Variants in ESRRG observed in about 807,000 individuals in gnomAD.
The protein encoded by ESRRG is estrogen related receptor gamma.
Under a neutral mutation model 44.0 loss-of-function variants are expected in ESRRG, and 13 were observed. The ratio of observed to expected loss-of-function variants is 0.30; its 90% CI spans 0.19 to 0.47. The LOEUF (loss-of-function observed/expected upper bound fraction) is 0.47, where lower values mean the gene tolerates loss of function less well. ESRRG is among the 20% of genes least tolerant of loss of function. The pLI is 1.00. For synonymous variants in ESRRG, 215 were observed against 214.6 expected (o/e 1.00, Z -0.02); for missense variants, 395 against 580.6 (o/e 0.68, Z 3.29).
chr1:216,599,684 GAAAA>G (rs534390321), intron 3 of ESRRG, among the ~76,000 whole-genome samples: 1 of 150,538 alleles, frequency 6.6e-6, no homozygotes. Context: ...AAAAGCCAAA[GAAAA>G]AAAAATTGAC....
rs188855522 is a variant in ESRRG at position 216,655,306 on chromosome 1, G to A, written c.473-4217C>T. ...AGAGTCCACTGAGAGGAGACAAGACGTGTAAATAAACAATACATTTTAGTG... is the reference window on the plus strand; with the variant it reads ...AGAGTCCACTGAGAGGAGACAAGACATGTAAATAAACAATACATTTTAGTG... On this transcript the variant is annotated intron_variant, in intron 2 of 6. Transcript: ENST00000408911. Among the ~76,000 whole-genome samples, 7 of 152,240 alleles carry A rather than the reference G, an allele frequency of 4.6e-5. No individual in the cohort carries two copies. The East Asian group carries it at 5.8e-4, about 13-fold the overall frequency.
chr1:217,118,126 A>C (rs1269212328), intron 1 of ESRRG, among the ~76,000 whole-genome samples: 1 of 152,236 alleles, frequency 6.6e-6, no homozygotes, highest in African/African-American at 2.4e-5. Context: ...CTATGCAATA[A>C]GTATACTACT....
chr1:216,721,092 C>T (rs2086166352), intron 1 of ESRRG, among the ~76,000 whole-genome samples: 1 of 152,194 alleles, frequency 6.6e-6, no homozygotes, highest in Non-Finnish European at 1.5e-5. Flanking sequence ...GCTATTACTG[C>T]TATTAAATGT....
intron 1 of ESRRG, among the ~76,000 whole-genome samples, chr1:216,976,387 A>C (rs2072903756): frequency 6.6e-6 from 1 of 151,830 alleles, no homozygotes; most frequent in Non-Finnish European, 1.5e-5. Context: ...AATAAAAATA[A>C]GTTGGAGAGA....
chr1:216,577,005 T>C (rs905904256), intron 3 of ESRRG, among the ~76,000 whole-genome samples: 12 of 151,764 alleles, frequency 7.9e-5, no homozygotes, highest in Non-Finnish European at 1.2e-4. Flanking sequence ...TTATTTCTGC[T>C]CAAGAGGAGG....
intron 5 of ESRRG, among the ~76,000 whole-genome samples, chr1:216,521,968 C>T (rs925959082): frequency 2.0e-5 from 3 of 152,012 alleles, no homozygotes; most frequent in Non-Finnish European, 2.9e-5. Flanking sequence ...TTTACGTGCA[C>T]GGAAACTTTA....
rs2148669133 is a variant in ESRRG at position 216,503,698 on chromosome 1, A to G, written c.*3241T>C. ...CCATTTTCTCTTCTATAAGAAAAAT[A>G]GCAGTTTTAAATTTTTTATATCTTT... On this transcript the variant is annotated 3_prime_UTR_variant, in exon 7 of 7. Coordinates refer to ENST00000408911, the MANE Select transcript of ESRRG (RefSeq NM_001438.4). 6.5e-6 allele frequency: 1 copy of G among 152,726 alleles called. No individual in the cohort carries two copies. Among genetic ancestry groups the G allele is most frequent in the Non-Finnish European group, 1.5e-5 (1 of 67,988 alleles). 9.5% of individuals were successfully genotyped at this position (152,726 alleles called of 1,614,324 possible). A position where few individuals can be genotyped will look rare whatever the true frequency, so the allele number is the denominator to read the frequency against.
chr1:216,737,983 G>A (rs2090177884), intron 2 of ESRRG, among the ~76,000 whole-genome samples: 1 of 144,420 alleles, frequency 6.9e-6, no homozygotes, highest in South Asian at 2.2e-4. Context: ...TAGTTCTGCA[G>A]ATGAGACATC....
At chr1:217,043,727 A>C (rs761045079) in intron 1 of ESRRG, among the ~76,000 whole-genome samples, 2 of 152,326 alleles carry the variant, frequency 1.3e-5, no homozygotes, top group East Asian at 3.9e-4. Flanking sequence ...ACTAAAAAAA[A>C]GTGTTAATGT....
intron 5 of ESRRG, among the ~76,000 whole-genome samples, chr1:216,551,799 G>T (rs754955069): frequency 6.6e-6 from 1 of 152,064 alleles, no homozygotes; most frequent in Admixed American, 6.6e-5. Context: ...ATTTATTATT[G>T]GGTGTGCCTT....
chr1:216,697,992 T>C (rs2080524205), intron 1 of ESRRG, among the ~76,000 whole-genome samples: 1 of 152,194 alleles, frequency 6.6e-6, no homozygotes, highest in Admixed American at 6.5e-5. Flanking sequence ...CAGTAGCTGC[T>C]GGCCACACCC....
At chr1:216,619,389 G>A (rs1454586575) in intron 3 of ESRRG, among the ~76,000 whole-genome samples, 1 of 152,108 alleles carries the variant, frequency 6.6e-6, no homozygotes, top group Non-Finnish European at 1.5e-5. Context: ...TTCTATTGTG[G>A]ATCACCAATT....
intron 5 of ESRRG, among the ~76,000 whole-genome samples, chr1:216,546,999 C>T (rs1316462519): frequency 6.6e-6 from 1 of 151,868 alleles, no homozygotes; most frequent in African/African-American, 2.4e-5. Flanking sequence ...GTTCCACTCC[C>T]TATGTCCATG....
At chr1:216,919,068 G>T (rs1432723782) in intron 2 of ESRRG, among the ~76,000 whole-genome samples, 1 of 151,974 alleles carries the variant, frequency 6.6e-6, no homozygotes, top group Non-Finnish European at 1.5e-5. Context: ...CAGTTTCAAA[G>T]AATGTAAACC....
At chr1:217,101,436 A>G (rs982913690) in intron 1 of ESRRG, among the ~76,000 whole-genome samples, 3 of 152,248 alleles carry the variant, frequency 2.0e-5, no homozygotes, top group Non-Finnish European at 1.5e-5. Flanking sequence ...TCCTTAAATC[A>G]TTAATTCTAG....
chr1:217,103,452 C>G (rs1395173182), intron 1 of ESRRG, among the ~76,000 whole-genome samples: 1 of 151,108 alleles, frequency 6.6e-6, no homozygotes, highest in Non-Finnish European at 1.5e-5. Flanking sequence ...TTGAGACCAG[C>G]CTGAGCAACA....
At chr1:217,028,441 A>G (rs1560523439) in intron 1 of ESRRG, among the ~76,000 whole-genome samples, 3 of 152,128 alleles carry the variant, frequency 2.0e-5, no homozygotes, top group Non-Finnish European at 2.9e-5. Flanking sequence ...GAGGACAGAC[A>G]TGTCAAGATA....
chr1:216,603,343 G>A (rs1215986422), intron 3 of ESRRG, among the ~76,000 whole-genome samples: 1 of 152,068 alleles, frequency 6.6e-6, no homozygotes, highest in Non-Finnish European at 1.5e-5. Flanking sequence ...TACAATCTGT[G>A]AACTGACCCT....
chr1:216,784,935 C>T (rs2094070563), intron 2 of ESRRG, among the ~76,000 whole-genome samples: 1 of 151,976 alleles, frequency 6.6e-6, no homozygotes. Context: ...CAATTCTCCA[C>T]TAGGTCTACC....
Sources: allele counts gnomAD v4.1 joint callset (sites outside exome capture counted in the v4.1 genomes callset), GRCh38; gene constraint gnomAD v4.1.1; transcripts MANE v1.5; gene names NCBI Gene and HGNC (gene_info 2026-07-23, HGNC 2026-07-21).